The following ACKR5 variants were observed in gnomAD, a reference collection of about 807,000 sequenced individuals.
ACKR5 encodes G protein-coupled receptor 182.
At chr12:56,995,105 A>T in the ACKR5 span, 1 of 1,023,630 alleles carries the variant, frequency 9.8e-7, no homozygotes. This position sits in a 1 kb window ranked among gnomAD's most constrained non-coding sequence, Gnocchi z 4.7. Context: ...ATCTTTCCCC[A>T]AAGCCCCCGA....
the ACKR5 span, among the ~76,000 whole-genome samples, chr12:56,994,892 G>A: frequency 6.6e-6 from 1 of 150,536 alleles, no homozygotes; most frequent in East Asian, 1.9e-4. Flanking sequence ...GGAATGGTGG[G>A]TGTGGGGGGA....
the ACKR5 span, chr12:56,998,256 C>A: frequency 2.0e-5 from 3 of 152,218 alleles, no homozygotes; most frequent in Non-Finnish European, 4.4e-5. Context: ...TTCCCTAAGG[C>A]CTCCCATCCA....
the ACKR5 span, chr12:56,995,325 C>A: frequency 6.2e-7 from 1 of 1,614,134 alleles, no homozygotes; most frequent in Admixed American, 1.7e-5. The surrounding 1 kb of genome is among the most constrained non-coding windows in gnomAD (Gnocchi z 4.7). Context: ...TTCAACCACA[C>A]TTTGTCTGAG....
At chr12:56,996,982 G>T in the ACKR5 span, 3 of 152,786 alleles carry the variant, frequency 2.0e-5, no homozygotes, top group African/African-American at 7.2e-5. Flanking sequence ...AGGCGGATGG[G>T]GATGGCAGGG....
the ACKR5 span, chr12:56,996,341 G>T: frequency 6.2e-7 from 1 of 1,614,054 alleles, no homozygotes; most frequent in Non-Finnish European, 8.5e-7. Flanking sequence ...CCCCCACCCT[G>T]AGCCAAGCCT....
chr12:56,997,658 A>G, the ACKR5 span: 5 of 152,204 alleles, frequency 3.3e-5, no homozygotes, highest in African/African-American at 1.2e-4. Flanking sequence ...TTCCAATTCC[A>G]CGTCCTTTGC....
the ACKR5 span, among the ~76,000 whole-genome samples, chr12:56,998,632 G>GT: frequency 6.6e-6 from 1 of 152,176 alleles, no homozygotes; most frequent in Admixed American, 6.5e-5. Context: ...CCCCTGAAAA[G>GT]TTTGAGTCTT....
At chr12:56,996,040 C>G in the ACKR5 span, 3 of 1,610,996 alleles carry the variant, frequency 1.9e-6, no homozygotes, top group African/African-American at 1.3e-5. Context: ...ATCATGTGAC[C>G]CTGCTGCTGC....
At chr12:56,995,328 T>G in the ACKR5 span, 1 of 1,614,210 alleles carries the variant, frequency 6.2e-7, no homozygotes, top group Non-Finnish European at 8.5e-7. The surrounding 1 kb of genome is among the most constrained non-coding windows in gnomAD (Gnocchi z 4.7). Flanking sequence ...AACCACACTT[T>G]GTCTGAGTGC....
the ACKR5 span, chr12:56,996,244 G>A: frequency 6.2e-7 from 1 of 1,614,166 alleles, no homozygotes; most frequent in South Asian, 1.1e-5. Flanking sequence ...ACCAGACCAA[G>A]GCGGGCACAT....
chr12:56,995,929 G>A, the ACKR5 span: 3 of 1,613,070 alleles, frequency 1.9e-6, no homozygotes, highest in Non-Finnish European at 2.5e-6. This position sits in a 1 kb window ranked among gnomAD's most constrained non-coding sequence, Gnocchi z 4.7. Flanking sequence ...TCAATGTGCT[G>A]ACAGCCTGCC....
At chr12:56,996,947 T>A in the ACKR5 span, 1 of 154,464 alleles carries the variant, frequency 6.5e-6, no homozygotes, top group South Asian at 2.0e-4. Flanking sequence ...TAGCTGTGCA[T>A]CCTATGCACA....
chr12:56,995,108 G>GC, the ACKR5 span: 4 of 1,038,386 alleles, frequency 3.9e-6, no homozygotes, highest in East Asian at 2.4e-5. The surrounding 1 kb of genome is among the most constrained non-coding windows in gnomAD (Gnocchi z 4.7). Flanking sequence ...TTTCCCCAAA[G>GC]CCCCCGACTC....
chr12:56,995,829 C>T, the ACKR5 span: 1 of 1,614,066 alleles, frequency 6.2e-7, no homozygotes. The surrounding 1 kb of genome is among the most constrained non-coding windows in gnomAD (Gnocchi z 4.7). Flanking sequence ...TTCATGGCAC[C>T]TTTTGAAACG....
At chr12:56,995,118 C>T in the ACKR5 span, 2 of 1,171,242 alleles carry the variant, frequency 1.7e-6, no homozygotes, top group East Asian at 4.7e-5. This position sits in a 1 kb window ranked among gnomAD's most constrained non-coding sequence, Gnocchi z 4.7. Context: ...GCCCCCGACT[C>T]CCTCTGGCCT....
At chr12:56,996,149 G>A in the ACKR5 span, 1 of 1,614,078 alleles carries the variant, frequency 6.2e-7, no homozygotes, top group Non-Finnish European at 8.5e-7. Flanking sequence ...GCTGCACTGT[G>A]TCATCAACCC....
the ACKR5 span, chr12:56,995,455 A>G: frequency 6.2e-7 from 1 of 1,614,186 alleles, no homozygotes. This position sits in a 1 kb window ranked among gnomAD's most constrained non-coding sequence, Gnocchi z 4.7. Flanking sequence ...GGCGCGGCTC[A>G]GGCCGGGCAG....
chr12:56,995,367 G>A, the ACKR5 span: 105 of 1,614,204 alleles, frequency 6.5e-5, no homozygotes, highest in Admixed American at 6.3e-4. The surrounding 1 kb of genome is among the most constrained non-coding windows in gnomAD (Gnocchi z 4.7). Flanking sequence ...AGCACCAAGC[G>A]CGTGGTCCTC....
chr12:56,998,118 C>T, the ACKR5 span: 2 of 152,254 alleles, frequency 1.3e-5, no homozygotes, highest in African/African-American at 4.8e-5. Flanking sequence ...ATGCCCATAT[C>T]ACTGCCTCCT....
Sources: allele counts gnomAD v4.1 joint callset (sites outside exome capture counted in the v4.1 genomes callset), GRCh38; gene constraint gnomAD v4.1.1; non-coding constraint Gnocchi (gnomAD v3.1); transcripts MANE v1.5; gene names NCBI Gene and HGNC (gene_info 2026-07-23, HGNC 2026-07-21).